Variants in RPAP2 observed in about 807,000 individuals in gnomAD.
RPAP2 encodes RNA polymerase II associated protein 2.
Under a neutral mutation model 73.1 loss-of-function variants are expected in RPAP2, and 52 were observed. That is an observed-to-expected ratio of 0.71 (90% CI 0.57 to 0.90). The LOEUF is 0.90. Ranked by LOEUF, RPAP2 falls within the 40% of genes least tolerant of loss-of-function variation. RPAP2 has a pLI of 0.00. For synonymous variants in RPAP2, 225 were observed against 242.1 expected (o/e 0.93, Z 0.65); for missense variants, 598 against 701.8 (o/e 0.85, Z 1.67).
At chr1:92,318,997 G>T (rs1652090224) in intron 6 of RPAP2, among the ~76,000 whole-genome samples, 2 of 151,660 alleles carry the variant, frequency 1.3e-5, no homozygotes, top group Non-Finnish European at 2.9e-5. Context: ...TTGTTTGTTT[G>T]TTTTTTTTAA....
chr1:92,310,756 G>A (rs1252144417), intron 6 of RPAP2, among the ~76,000 whole-genome samples: 2 of 152,060 alleles, frequency 1.3e-5, no homozygotes, highest in Non-Finnish European at 2.9e-5. Context: ...AATTAGCCAG[G>A]AGTGCTGGAA....
intron 11 of RPAP2, among the ~76,000 whole-genome samples, chr1:92,378,380 T>C (rs1024366158): frequency 6.6e-6 from 1 of 152,132 alleles, no homozygotes; most frequent in Non-Finnish European, 1.5e-5. Flanking sequence ...AATTTATTTT[T>C]TATTTTTTAT....
At chr1:92,383,267 C>T (rs1655725026) in intron 12 of RPAP2, among the ~76,000 whole-genome samples, 1 of 152,096 alleles carries the variant, frequency 6.6e-6, no homozygotes, top group South Asian at 2.1e-4. Context: ...TTTTTGGTTC[C>T]ATATGAACTT....
intron 10 of RPAP2, among the ~76,000 whole-genome samples, chr1:92,344,860 A>C (rs547449477): frequency 2.6e-5 from 4 of 152,030 alleles, no homozygotes; most frequent in Non-Finnish European, 5.9e-5. Flanking sequence ...GTCCATTTCA[A>C]ATTTCCTCCT....
chr1:92,307,325 T>C, intron 6 of RPAP2, 49 bp downstream of exon 6: 3 of 1,296,168 alleles, frequency 2.3e-6, no homozygotes, highest in Non-Finnish European at 3.2e-6. Flanking sequence ...TTCTAATAAT[T>C]TGTTTCTGCT....
intron 8 of RPAP2, among the ~76,000 whole-genome samples, chr1:92,327,122 G>A (rs1652680618): frequency 1.3e-5 from 2 of 152,256 alleles, no homozygotes; most frequent in South Asian, 2.1e-4. Flanking sequence ...ATTTGTTCTA[G>A]GGTATAATCA....
intron 6 of RPAP2, among the ~76,000 whole-genome samples, chr1:92,319,465 T>C (rs749864759): frequency 6.6e-6 from 1 of 152,118 alleles, no homozygotes; most frequent in Non-Finnish European, 1.5e-5. Flanking sequence ...GCATTTTTCT[T>C]CTACTAAATT....
In RPAP2 at chr1:92,400,171, A is replaced by G. The variant is rs28498508; in HGVS notation, c.*13160A>G. The G allele has an allele frequency of 1.3e-5, 2 of 152,146 alleles. No individual in the cohort carries two copies. The highest frequency in any genetic ancestry group is 4.8e-5 in the African/African-American group (2 of 41,428). The allele number at this position is 152,146 out of a possible 1,614,324, so 9.4% of individuals were successfully genotyped here. Reference sequence around the variant, plus strand: ...CTAAAACAGGACTCAATCAAAACCCACTTGGGATTAGGGAAGCCACCCTCT... The same window carrying G: ...CTAAAACAGGACTCAATCAAAACCCGCTTGGGATTAGGGAAGCCACCCTCT... On this transcript the variant is annotated 3_prime_UTR_variant, in exon 13 of 13. Coordinates refer to ENST00000610020, the MANE Select transcript of RPAP2 (RefSeq NM_024813.3).
intron 11 of RPAP2, among the ~76,000 whole-genome samples, chr1:92,378,504 C>T (rs1360421017): frequency 2.0e-5 from 3 of 152,130 alleles, no homozygotes; most frequent in Non-Finnish European, 2.9e-5. Flanking sequence ...TGAGCCATCG[C>T]GCCCGGCCAG....
rs1406174223 is a variant in RPAP2, at chr1:92,380,106, C to T, written c.1689-618C>T. 1.4e-4 allele frequency among the ~76,000 whole-genome samples: 21 copies of T among 150,676 alleles called. 1 individual carries two copies. The highest frequency in any genetic ancestry group is 2.7e-4 in the Non-Finnish European group (18 of 67,708). ...CAGCCTGGCCAACATGGTGAAACCC[C>T]GTCTCTACCAAAAAAACGAAAATTA... On this transcript the variant is annotated intron_variant, in intron 11 of 12. Coordinates refer to ENST00000610020, the MANE Select transcript of RPAP2 (RefSeq NM_024813.3).
intron 10 of RPAP2, among the ~76,000 whole-genome samples, chr1:92,345,394 AAAAAAAAGAGAG>A (rs1653824854): frequency 1.3e-5 from 2 of 148,712 alleles, no homozygotes; most frequent in African/African-American, 4.9e-5. Flanking sequence ...AAAAAAAAAA[AAAAAAAAGAGAG>A]AGAGAGAAGA....
Position 92,302,415 on chromosome 1 carries a change from C to T in RPAP2, c.234+825C>T, listed in dbSNP as rs374643184. The stretch of plus-strand genomic sequence containing the variant: ...TCTGCTAATATCACTTGATTTTCTT[C>T]AATTTGTTCTAATGATTGCAATTCC... On this transcript the variant is annotated intron_variant, in intron 3 of 12. Coordinates refer to ENST00000610020, the MANE Select transcript of RPAP2 (RefSeq NM_024813.3). Among the ~76,000 whole-genome samples the T allele has an allele frequency of 2.4e-4, 36 of 150,228 alleles. No individual in the cohort carries two copies. The East Asian group carries it at 3.9e-3, about 16-fold the overall frequency.
At chr1:92,301,707 G>A (rs1557585808) in intron 3 of RPAP2, 117 bp downstream of exon 3, 1 of 445,550 alleles carries the variant, frequency 2.2e-6, no homozygotes, top group Non-Finnish European at 4.0e-6. Flanking sequence ...ATTAGATGCA[G>A]ATAACAATCC....
intron 11 of RPAP2, among the ~76,000 whole-genome samples, chr1:92,370,167 G>A (rs770459262): frequency 6.6e-6 from 1 of 152,254 alleles, no homozygotes; most frequent in Non-Finnish European, 1.5e-5. Flanking sequence ...TTACAGGCAT[G>A]AGCCACTGTG....
chr1:92,319,649 T>C (rs1224816289), intron 6 of RPAP2, among the ~76,000 whole-genome samples: 1 of 152,082 alleles, frequency 6.6e-6, no homozygotes, highest in Non-Finnish European at 1.5e-5. Flanking sequence ...TTATAAACAG[T>C]CTCTGCCTTT....
rs775357856 is a variant in RPAP2, at chr1:92,304,039, CTG to C, written c.300_301del (p.Cys100TrpfsTer18). ...TGGATGAACGTTCTATTGTCAAACT[CTG>C]TGGTTATCCTTTATGTCAGAAGAAG... ...VVDERSIVKL[C>X]GYPLCQKKLG... On this transcript the variant is annotated frameshift_variant, in exon 4 of 13. Coordinates refer to ENST00000610020, the MANE Select transcript of RPAP2 (RefSeq NM_024813.3). LOFTEE classifies it high-confidence loss of function. The C allele has an allele frequency of 9.3e-6, 15 of 1,612,906 alleles. No homozygotes were observed. The African/African-American group carries it at 2.0e-4, about 22-fold the overall frequency.
chr1:92,339,320 GC>G (rs1653468061), intron 10 of RPAP2, among the ~76,000 whole-genome samples: 1 of 71,172 alleles, frequency 1.4e-5, no homozygotes. Context: ...CCCCACCCCC[GC>G]CCCCACAACC....
chr1:92,358,513 A>G (rs1557622904), intron 11 of RPAP2, among the ~76,000 whole-genome samples: 3 of 152,128 alleles, frequency 2.0e-5, no homozygotes, highest in African/African-American at 7.2e-5. Context: ...TTTCAGTTTT[A>G]TATTTAATTG....
intron 6 of RPAP2, among the ~76,000 whole-genome samples, chr1:92,310,984 C>A (rs1487501912): frequency 6.6e-6 from 1 of 152,192 alleles, no homozygotes; most frequent in Non-Finnish European, 1.5e-5. Context: ...TTTACATTAT[C>A]TCATATATGC....
Sources: allele counts gnomAD v4.1 joint callset (sites outside exome capture counted in the v4.1 genomes callset), GRCh38; gene constraint gnomAD v4.1.1; transcripts MANE v1.5; gene names NCBI Gene and HGNC (gene_info 2026-07-23, HGNC 2026-07-21).